Variants in ADAMTS12 observed in about 807,000 individuals in gnomAD.
ADAMTS12 encodes the protein A disintegrin and metalloproteinase with thrombospondin motifs 12.
A neutral mutation model predicts 167.8 loss-of-function variants in ADAMTS12; 118 were observed. The ratio of observed to expected loss-of-function variants is 0.70; its 90% CI spans 0.61 to 0.82. The LOEUF is 0.82. Among genes scored for constraint, ADAMTS12 ranks in the 40% least tolerant of loss-of-function variants. ADAMTS12 has a pLI of 0.00. For missense variants in ADAMTS12, 1,916 were observed against 1,998.8 expected, an observed-to-expected ratio of 0.96 and a Z score of 0.79; for synonymous variants, 704 against 716.9, an observed-to-expected ratio of 0.98 and a Z score of 0.29.
intron 2 of ADAMTS12, among the ~76,000 whole-genome samples, chr5:33,810,083 G>A (rs1204972111): frequency 1.3e-5 from 2 of 151,720 alleles, no homozygotes; most frequent in Admixed American, 1.3e-4. Context: ...AGAGGCAGGA[G>A]TGAAAGCACA....
At chr5:33,815,941 T>C (rs556500051) in intron 2 of ADAMTS12, among the ~76,000 whole-genome samples, 2 of 152,208 alleles carry the variant, frequency 1.3e-5, no homozygotes, top group African/African-American at 2.4e-5. Context: ...CTGTGCTCTC[T>C]CATGGGTCCT....
intron 14 of ADAMTS12, among the ~76,000 whole-genome samples, chr5:33,622,170 T>C (rs898148915): frequency 6.6e-6 from 1 of 152,168 alleles, no homozygotes; most frequent in Non-Finnish European, 1.5e-5. Flanking sequence ...AAGACATTTA[T>C]AATCCCTCTT....
chr5:33,529,523 C>T (rs1039349621), intron 23 of ADAMTS12, among the ~76,000 whole-genome samples: 4 of 152,172 alleles, frequency 2.6e-5, no homozygotes, highest in Non-Finnish European at 1.5e-5. Flanking sequence ...ATAAACAGGC[C>T]GCTGTCCTTT....
At chr5:33,689,575 G>A (rs371020034) in intron 3 of ADAMTS12, among the ~76,000 whole-genome samples, 78 of 152,214 alleles carry the variant, frequency 5.1e-4, no homozygotes, top group Middle Eastern at 3.4e-3. Flanking sequence ...ACAATATCCT[G>A]CTTCTTTATA....
chr5:33,657,220 C>A (rs1741094534), intron 7 of ADAMTS12, among the ~76,000 whole-genome samples: 1 of 152,160 alleles, frequency 6.6e-6, no homozygotes, highest in Admixed American at 6.6e-5. Context: ...GGTGAGCAAG[C>A]TGAAACTGGA....
intron 3 of ADAMTS12, among the ~76,000 whole-genome samples, chr5:33,705,266 G>GGT (rs70964413): frequency 0.25 from 35,351 of 143,812 alleles, 4,650 homozygotes; most frequent in Non-Finnish European, 0.32. Context: ...AGTATTCCAT[G>GGT]GTGTGTGTGT....
intron 3 of ADAMTS12, among the ~76,000 whole-genome samples, chr5:33,700,680 C>T (rs1318541698): frequency 6.6e-6 from 1 of 152,044 alleles, no homozygotes; most frequent in Non-Finnish European, 1.5e-5. Context: ...CGCACACACA[C>T]GTACAAGTAA....
Position 33,576,093 on chromosome 5 carries a change from G to C in ADAMTS12, c.3933C>G (p.Gly1311=). Residue 1311 remains glycine (G), a synonymous_variant, in exon 19 of 24, where the codon GGC becomes GGG. Coordinates refer to ENST00000504830, the MANE Select transcript of ADAMTS12 (RefSeq NM_030955.4). The stretch of plus-strand genomic sequence containing the variant: ...CGACGATCCAGTGTGCAGAGCCGTG[G>C]CCGTTTGTGAGCTGCTTGTAATTGG... ...NASNYKQLTN[G]HGSAHWIVGN... is the part of the protein sequence containing the mutation. The C allele has an allele frequency of 6.2e-7, 1 of 1,613,872 alleles. No individual in the cohort carries two copies. Among genetic ancestry groups the C allele is most frequent in the Non-Finnish European group, 8.5e-7 (1 of 1,180,014 alleles).
chr5:33,548,688 C>T (rs1745101348), intron 21 of ADAMTS12, among the ~76,000 whole-genome samples: 1 of 139,138 alleles, frequency 7.2e-6, no homozygotes, highest in South Asian at 2.3e-4. Flanking sequence ...AGAGCCAGGG[C>T]CCTCATAAAG....
chr5:33,717,290 A>C (rs1294686536), intron 3 of ADAMTS12, among the ~76,000 whole-genome samples: 1 of 152,104 alleles, frequency 6.6e-6, no homozygotes, highest in Non-Finnish European at 1.5e-5. Context: ...CCCAAATTTC[A>C]TCTAGTCTTC....
At chr5:33,575,396 A>G (rs1330318906) in intron 19 of ADAMTS12, among the ~76,000 whole-genome samples, 1 of 152,142 alleles carries the variant, frequency 6.6e-6, no homozygotes, top group East Asian at 1.9e-4. Flanking sequence ...GACATTAGAG[A>G]TAATCTACAC....
Position 33,616,025 on chromosome 5 carries a change from C to T in ADAMTS12, c.2191G>A (p.Val731Met). Residue 731 changes from valine to methionine, a missense_variant, in exon 15 of 24, where the codon GTG becomes ATG. Coordinates refer to ENST00000504830, the MANE Select transcript of ADAMTS12 (RefSeq NM_030955.4). ...LIPKGARDIR[V>M]MEIEGAGNFL... The stretch of plus-strand genomic sequence containing the variant: ...TTTCCAGCTCCCTCAATTTCCATCA[C>T]TCTTATGTCCCTTGCTCCTTTTGGA... 3 of 1,614,188 alleles carry T rather than the reference C, an allele frequency of 1.9e-6. No individual in the cohort carries two copies. The highest frequency in any genetic ancestry group is 1.6e-4 in the Middle Eastern group (1 of 6,062).
chr5:33,655,567 C>A (rs1741022955), intron 7 of ADAMTS12, among the ~76,000 whole-genome samples: 1 of 150,196 alleles, frequency 6.7e-6, no homozygotes, highest in African/African-American at 2.5e-5. Context: ...TTACCTTCCA[C>A]ATAAATTAAT....
chr5:33,861,523 T>C (rs557622187), intron 2 of ADAMTS12, among the ~76,000 whole-genome samples: 1 of 152,260 alleles, frequency 6.6e-6, no homozygotes, highest in South Asian at 2.1e-4. Flanking sequence ...CCCAGATTCA[T>C]AAAGCAAGTT....
At chr5:33,759,349 T>G (rs150330047) in intron 2 of ADAMTS12, among the ~76,000 whole-genome samples, 1 of 152,226 alleles carries the variant, frequency 6.6e-6, no homozygotes. Flanking sequence ...TTTTCTCTAG[T>G]AAAAGAAGCC....
intron 13 of ADAMTS12, among the ~76,000 whole-genome samples, chr5:33,627,487 G>A (rs2112135100): frequency 6.7e-6 from 1 of 150,076 alleles, no homozygotes; most frequent in Non-Finnish European, 1.5e-5. Context: ...TGGTGATATG[G>A]GGTGATGGTG....
chr5:33,712,179 ATACT>A (rs1381432885), intron 3 of ADAMTS12, among the ~76,000 whole-genome samples: 6 of 152,188 alleles, frequency 3.9e-5, no homozygotes, highest in African/African-American at 1.4e-4. Context: ...CACACCGTAA[ATACT>A]TACTAAATGT....
intron 19 of ADAMTS12, among the ~76,000 whole-genome samples, chr5:33,565,176 G>A (rs1745950631): frequency 6.6e-6 from 1 of 152,058 alleles, no homozygotes; most frequent in African/African-American, 2.4e-5. Flanking sequence ...ATTATTTTAA[G>A]ACAGGGTGTC....
chr5:33,798,432 ATCTTTTT>A (rs1746863725), intron 2 of ADAMTS12, among the ~76,000 whole-genome samples: 1 of 102,534 alleles, frequency 9.8e-6, no homozygotes, highest in African/African-American at 3.8e-5. Context: ...TCTTCTTTGT[ATCTTTTT>A]TTTTTTTTTT....
Sources: gnomAD v4.1 joint callset for allele counts (sites outside exome capture counted in the v4.1 genomes callset) on GRCh38, gnomAD v4.1.1 for gene constraint, MANE v1.5 for transcripts, NCBI Gene and HGNC (gene_info 2026-07-23, HGNC 2026-07-21) for gene names.